TSPAN18: variants seen among roughly 807,000 people sequenced by gnomAD.
The protein encoded by TSPAN18 is tetraspanin-18.
Under a neutral mutation model 27.3 loss-of-function variants are expected in TSPAN18, and 14 were observed. The ratio of observed to expected loss-of-function variants is 0.51; its 90% CI spans 0.34 to 0.80. The LOEUF (loss-of-function observed/expected upper bound fraction) is 0.80, where lower values mean the gene tolerates loss of function less well. TSPAN18 is among the 30% of genes least tolerant of loss of function. The pLI is 0.01. For synonymous variants in TSPAN18, 143 were observed against 136.5 expected (o/e 1.05, Z -0.33); for missense variants, 268 against 323.9 (o/e 0.83, Z 1.32).
rs75946725 is a variant in TSPAN18, at chr11:44,746,953, T to C, written c.-239-17473T>C. ...CTGGACCCAGCCTTCCCATTGCTCATGTCAGGGTGAGATGTGGGAAACCCA... is the reference window on the plus strand; with the variant it reads ...CTGGACCCAGCCTTCCCATTGCTCACGTCAGGGTGAGATGTGGGAAACCCA... On this transcript the variant is annotated intron_variant, in intron 1 of 9. Coordinates refer to ENST00000520358, the MANE Select transcript of TSPAN18 (RefSeq NM_130783.5). 2.8e-4 allele frequency among the ~76,000 whole-genome samples: 43 copies of C among 152,320 alleles called. No homozygotes were observed. In the East Asian group the frequency reaches 8.1e-3, roughly 29 times the overall value.
intron 3 of TSPAN18, among the ~76,000 whole-genome samples, chr11:44,889,138 G>A (rs1858759938): frequency 6.6e-6 from 1 of 152,202 alleles, no homozygotes; most frequent in African/African-American, 2.4e-5. Context: ...CCAGTTTCAT[G>A]TATTTCTTTA....
chr11:44,742,982 G>T (rs1334967385), intron 1 of TSPAN18, among the ~76,000 whole-genome samples: 2 of 152,210 alleles, frequency 1.3e-5, no homozygotes, highest in Non-Finnish European at 2.9e-5. Context: ...CCTGGATGCT[G>T]CCTGATTCCC....
At chr11:44,844,773 T>C (rs776873145) in intron 2 of TSPAN18, among the ~76,000 whole-genome samples, 1 of 152,220 alleles carries the variant, frequency 6.6e-6, no homozygotes, top group Non-Finnish European at 1.5e-5. Context: ...CTTTTCCCAG[T>C]CTGTGTTTTG....
intron 5 of TSPAN18, among the ~76,000 whole-genome samples, chr11:44,914,703 G>A (rs903642869): frequency 2.6e-5 from 4 of 152,182 alleles, no homozygotes; most frequent in Non-Finnish European, 4.4e-5. Flanking sequence ...GCCGAGTACT[G>A]TTCCTCTCAG....
chr11:44,779,940 T>C (rs1225601509), intron 2 of TSPAN18, among the ~76,000 whole-genome samples: 4 of 152,172 alleles, frequency 2.6e-5, no homozygotes, highest in African/African-American at 9.7e-5. Flanking sequence ...TACCTGTGTA[T>C]ACCTATGCAC....
intron 2 of TSPAN18, among the ~76,000 whole-genome samples, chr11:44,828,905 G>A (rs745783080): frequency 4.6e-5 from 7 of 152,052 alleles, no homozygotes; most frequent in Non-Finnish European, 8.8e-5. Flanking sequence ...CACGACCCTT[G>A]TGGAAGCCAC....
At chr11:44,903,731 G>C (rs1859350919) in intron 3 of TSPAN18, 2 of 455,588 alleles carry the variant, frequency 4.4e-6, no homozygotes, top group African/African-American at 4.0e-5. Context: ...TTCAGGCCAT[G>C]CTCACTGAAG....
intron 2 of TSPAN18, among the ~76,000 whole-genome samples, chr11:44,774,973 G>A (rs1030693836): frequency 6.6e-6 from 1 of 152,188 alleles, no homozygotes; most frequent in Non-Finnish European, 1.5e-5. Flanking sequence ...AGTCCGTTCA[G>A]TTGGGCTTCC....
chr11:44,805,488 T>C (rs1856572655), intron 2 of TSPAN18, among the ~76,000 whole-genome samples: 1 of 152,166 alleles, frequency 6.6e-6, no homozygotes. Context: ...GAAGCCCGTG[T>C]TCCTCTCAAG....
At chr11:44,806,033 A>G (rs1405921030) in intron 2 of TSPAN18, among the ~76,000 whole-genome samples, 1 of 127,142 alleles carries the variant, frequency 7.9e-6, no homozygotes, top group Non-Finnish European at 1.6e-5. Flanking sequence ...AGGGAACACT[A>G]TTTTTTCCTT....
chr11:44,849,664 C>T (rs1335966929), intron 2 of TSPAN18, among the ~76,000 whole-genome samples: 1 of 149,238 alleles, frequency 6.7e-6, no homozygotes, highest in Non-Finnish European at 1.5e-5. Context: ...GTGTCCCGTC[C>T]AGGAAAGGGG....
intron 2 of TSPAN18, among the ~76,000 whole-genome samples, chr11:44,790,137 C>T (rs1469465847): frequency 1.4e-5 from 2 of 145,236 alleles, no homozygotes. Flanking sequence ...CTGCATGTTT[C>T]CACCCGCGTG....
At chr11:44,835,387 T>G (rs1376565262) in intron 2 of TSPAN18, among the ~76,000 whole-genome samples, 1 of 152,226 alleles carries the variant, frequency 6.6e-6, no homozygotes, top group African/African-American at 2.4e-5. Context: ...TCAGACAGGC[T>G]TAGATCTCCT....
At chr11:44,811,692 C>CCTCA (rs1856720933) in intron 2 of TSPAN18, among the ~76,000 whole-genome samples, 3 of 152,134 alleles carry the variant, frequency 2.0e-5, no homozygotes, top group Admixed American at 6.5e-5. Context: ...GAACTCCTGA[C>CCTCA]CTCAGGTGAT....
chr11:44,805,985 A>C (rs2135082691), intron 2 of TSPAN18, among the ~76,000 whole-genome samples: 1 of 151,912 alleles, frequency 6.6e-6, no homozygotes, highest in East Asian at 1.9e-4. Flanking sequence ...TTTCCATATA[A>C]GGTCGCATGC....
intron 1 of TSPAN18, among the ~76,000 whole-genome samples, chr11:44,752,883 AAAAT>A (rs1031753730): frequency 7.9e-5 from 12 of 152,224 alleles, no homozygotes; most frequent in African/African-American, 2.9e-4. Context: ...ACTAGCCAAA[AAAAT>A]CTACAAGTTC....
chr11:44,747,923 C>T (rs575326318), intron 1 of TSPAN18, among the ~76,000 whole-genome samples: 48 of 152,300 alleles, frequency 3.2e-4, no homozygotes, highest in South Asian at 1.7e-3. Flanking sequence ...AACTTCTCTC[C>T]CTGTCTCTCA....
At chr11:44,753,599 C>T (rs932239090) in intron 1 of TSPAN18, among the ~76,000 whole-genome samples, 3 of 152,176 alleles carry the variant, frequency 2.0e-5, no homozygotes, top group South Asian at 2.1e-4. Flanking sequence ...TTTCTCCATT[C>T]GAACTGAGTT....
At chr11:44,786,780 C>A (rs375792437) in intron 2 of TSPAN18, among the ~76,000 whole-genome samples, 1 of 151,936 alleles carries the variant, frequency 6.6e-6, no homozygotes, top group East Asian at 1.9e-4. Flanking sequence ...TGCAGACACC[C>A]ACCACCATGC....
Sources: allele counts gnomAD v4.1 joint callset (sites outside exome capture counted in the v4.1 genomes callset), GRCh38; gene constraint gnomAD v4.1.1; transcripts MANE v1.5; gene names NCBI Gene and HGNC (gene_info 2026-07-23, HGNC 2026-07-21).